The following NELL2 variants were observed in gnomAD, a reference collection of about 807,000 sequenced individuals.
The protein encoded by NELL2 is protein kinase C-binding protein NELL2.
In NELL2, 41 loss-of-function variants were observed where a neutral mutation model predicts 109.6. The ratio of observed to expected loss-of-function variants is 0.37; its 90% CI spans 0.29 to 0.49. NELL2 has a LOEUF of 0.49. NELL2 is among the 20% of genes least tolerant of loss of function. The pLI, the probability that NELL2 is intolerant of heterozygous loss-of-function variation, is 0.98. For synonymous variants in NELL2, 355 were observed against 344.7 expected (o/e 1.03, Z -0.33); for missense variants, 900 against 1,008.3 (o/e 0.89, Z 1.45).
chr12:44,614,555 A>C (rs1336872960), intron 13 of NELL2, among the ~76,000 whole-genome samples: 4 of 152,058 alleles, frequency 2.6e-5, no homozygotes, highest in African/African-American at 9.7e-5. Context: ...GGGAAAAAAA[A>C]GTAATAATAT....
chr12:44,746,196 A>G (rs1438027166), intron 9 of NELL2, among the ~76,000 whole-genome samples: 2 of 152,130 alleles, frequency 1.3e-5, no homozygotes, highest in Admixed American at 6.5e-5. Context: ...AAGAAATGGG[A>G]AAAGGATTCC....
chr12:44,648,223 G>A (rs1373138308), intron 13 of NELL2, among the ~76,000 whole-genome samples: 2 of 152,296 alleles, frequency 1.3e-5, no homozygotes, highest in East Asian at 1.9e-4. Context: ...TCTTTGCAAT[G>A]TTAAATATGT....
intron 11 of NELL2, among the ~76,000 whole-genome samples, chr12:44,707,686 A>C (rs989012131): frequency 2.6e-5 from 4 of 152,208 alleles, no homozygotes; most frequent in African/African-American, 9.6e-5. Context: ...GATTTCTTTT[A>C]ATGTGTATAA....
At chr12:44,681,915 T>A in intron 12 of NELL2, among the ~76,000 whole-genome samples, 1 of 151,648 alleles carries the variant, frequency 6.6e-6, no homozygotes, top group Admixed American at 6.5e-5. Flanking sequence ...TGATTTATAG[T>A]CCTTTGGGTA....
At chr12:44,846,819 C>T (rs185453466) in intron 2 of NELL2, among the ~76,000 whole-genome samples, 1 of 152,288 alleles carries the variant, frequency 6.6e-6, no homozygotes, top group East Asian at 1.9e-4. Flanking sequence ...TCCATTTGAG[C>T]TCTCTATGTA....
At chr12:44,557,958 A>C (rs759205464) in intron 15 of NELL2, among the ~76,000 whole-genome samples, 12 of 152,232 alleles carry the variant, frequency 7.9e-5, no homozygotes, top group Non-Finnish European at 1.6e-4. Flanking sequence ...AGGACACTGG[A>C]TGTAGCAATT....
chr12:44,894,506 T>C (rs1461776552), intron 1 of NELL2, among the ~76,000 whole-genome samples: 4 of 152,198 alleles, frequency 2.6e-5, no homozygotes, highest in African/African-American at 9.6e-5. Flanking sequence ...CAATTTATTC[T>C]GTAAAGTCAT....
At chr12:44,892,058 T>C (rs1320507416) in intron 1 of NELL2, among the ~76,000 whole-genome samples, 1 of 152,188 alleles carries the variant, frequency 6.6e-6, no homozygotes, top group East Asian at 1.9e-4. Flanking sequence ...TGTTTCACAC[T>C]GGGCAAGACA....
chr12:44,879,764 G>T (rs1341643880), upstream of NELL2, among the ~76,000 whole-genome samples: 1 of 151,926 alleles, frequency 6.6e-6, no homozygotes, highest in Non-Finnish European at 1.5e-5. Flanking sequence ...CCTACAAAAA[G>T]AAACTTTTGA....
At chr12:44,787,300 T>C (rs1942214504) in intron 3 of NELL2, among the ~76,000 whole-genome samples, 1 of 152,080 alleles carries the variant, frequency 6.6e-6, no homozygotes, top group African/African-American at 2.4e-5. Flanking sequence ...AAATATACCA[T>C]ATGCATAAAT....
intron 3 of NELL2, among the ~76,000 whole-genome samples, chr12:44,805,109 A>G (rs7976810): frequency 0.46 from 69,200 of 151,650 alleles, 17,210 homozygotes; most frequent in Non-Finnish European, 0.55. Flanking sequence ...CAAAGAAGAT[A>G]ATAGAAGACA....
chr12:44,547,871 G>A (rs1171419260), intron 15 of NELL2, among the ~76,000 whole-genome samples: 1 of 152,084 alleles, frequency 6.6e-6, no homozygotes, highest in Admixed American at 6.5e-5. Context: ...TTGAGGCACC[G>A]AAAGTATATT....
At chr12:44,583,011 C>A (rs1733896932) in intron 15 of NELL2, among the ~76,000 whole-genome samples, 1 of 152,132 alleles carries the variant, frequency 6.6e-6, no homozygotes, top group African/African-American at 2.4e-5. Context: ...AAGGCCCTTA[C>A]CACATGTGGA....
chr12:44,548,032 T>C (rs1942871711), intron 15 of NELL2, among the ~76,000 whole-genome samples: 1 of 152,166 alleles, frequency 6.6e-6, no homozygotes, highest in Non-Finnish European at 1.5e-5. Flanking sequence ...TTAGAGGACC[T>C]GAATCTCACA....
intron 3 of NELL2, among the ~76,000 whole-genome samples, chr12:44,790,502 A>C (rs934562934): frequency 1.3e-5 from 2 of 152,156 alleles, no homozygotes; most frequent in Non-Finnish European, 2.9e-5. Flanking sequence ...CAAATACTGG[A>C]AACACATCAA....
At chr12:44,637,915 C>G (rs1305871050) in intron 13 of NELL2, among the ~76,000 whole-genome samples, 1 of 152,010 alleles carries the variant, frequency 6.6e-6, no homozygotes, top group Admixed American at 6.6e-5. Flanking sequence ...ATTACTACAA[C>G]AGCAGTTTTC....
At chr12:44,713,697 A>G (rs1019506926) in intron 10 of NELL2, among the ~76,000 whole-genome samples, 2 of 151,894 alleles carry the variant, frequency 1.3e-5, no homozygotes, top group African/African-American at 4.8e-5. Context: ...GCCTCTTTGC[A>G]TCTCCTCCTT....
intron 9 of NELL2, among the ~76,000 whole-genome samples, chr12:44,746,710 A>T: frequency 6.6e-6 from 1 of 152,228 alleles, no homozygotes; most frequent in Non-Finnish European, 1.5e-5. Context: ...GCTCATCATC[A>T]CTGGCCATCA....
intron 9 of NELL2, among the ~76,000 whole-genome samples, chr12:44,736,004 C>CTTTTT (rs35988182): frequency 3.8e-4 from 38 of 99,392 alleles, no homozygotes; most frequent in Non-Finnish European, 5.8e-4. Flanking sequence ...GCAGTTAATT[C>CTTTTT]TTTTTTTTTT....
Sources: allele counts gnomAD v4.1 joint callset (sites outside exome capture counted in the v4.1 genomes callset), GRCh38; gene constraint gnomAD v4.1.1; transcripts MANE v1.5; gene names NCBI Gene and HGNC (gene_info 2026-07-23, HGNC 2026-07-21).